Variants in GBE1 observed in about 807,000 individuals in gnomAD.
The protein encoded by GBE1 is 1,4-alpha-glucan branching enzyme 1, also known as 1,4-alpha-glucan-branching enzyme.
A neutral mutation model predicts 88.8 loss-of-function variants in GBE1; 70 were observed. That is an observed-to-expected ratio of 0.79 (90% CI 0.65 to 0.96). The LOEUF is 0.96. Ranked by LOEUF, GBE1 falls within the 40% of genes least tolerant of loss-of-function variation. The pLI is 0.00. For missense variants in GBE1, 872 were observed against 871.0 expected, an observed-to-expected ratio of 1.00 and a Z score of -0.01; for synonymous variants, 284 against 300.1, an observed-to-expected ratio of 0.95 and a Z score of 0.56.
chr3:81,757,601 T>G (rs1706620788), intron 1 of GBE1, among the ~76,000 whole-genome samples: 1 of 152,128 alleles, frequency 6.6e-6, no homozygotes, highest in African/African-American at 2.4e-5. Flanking sequence ...GACTCAAAGG[T>G]CTAGGAGGAG....
At chr3:81,751,622 C>T (rs1017112312) in intron 1 of GBE1, among the ~76,000 whole-genome samples, 2 of 152,154 alleles carry the variant, frequency 1.3e-5, no homozygotes, top group Admixed American at 6.5e-5. Context: ...AGAAAGGAGA[C>T]CATATGCTAA....
chr3:81,547,217 G>T (rs1481234619), intron 12 of GBE1, among the ~76,000 whole-genome samples: 1 of 151,402 alleles, frequency 6.6e-6, no homozygotes, highest in Non-Finnish European at 1.5e-5. Flanking sequence ...CTCAGAAAAA[G>T]GCAAGGACGC....
At chr3:81,690,687 C>T (rs138911589) in intron 2 of GBE1, among the ~76,000 whole-genome samples, 60 of 152,208 alleles carry the variant, frequency 3.9e-4, no homozygotes, top group Middle Eastern at 6.8e-3. Context: ...ATTTAAATGA[C>T]GGAAATCCTC....
chr3:81,532,599 A>G (rs551544543), intron 14 of GBE1, among the ~76,000 whole-genome samples: 1 of 152,122 alleles, frequency 6.6e-6, no homozygotes, highest in African/African-American at 2.4e-5. Context: ...TCCCTTACAC[A>G]CTGGTACATG....
chr3:81,723,399 C>G (rs1397364921), intron 1 of GBE1, among the ~76,000 whole-genome samples: 2 of 151,214 alleles, frequency 1.3e-5, no homozygotes, highest in Non-Finnish European at 2.9e-5. Flanking sequence ...CTGCGCCCAG[C>G]CAAATAAAAG....
chr3:81,671,360 C>G (rs1424261797), intron 2 of GBE1, among the ~76,000 whole-genome samples: 1 of 151,980 alleles, frequency 6.6e-6, no homozygotes, highest in East Asian at 1.9e-4. Context: ...AATCATATAA[C>G]ATTTACTGAA....
At chr3:81,588,236 A>G (rs1432124786) in intron 9 of GBE1, among the ~76,000 whole-genome samples, 1 of 152,114 alleles carries the variant, frequency 6.6e-6, no homozygotes, top group Admixed American at 6.6e-5. Flanking sequence ...AGTAGAAAAA[A>G]GATCAGTAGA....
chr3:81,672,362 C>T (rs1046741293), intron 2 of GBE1, among the ~76,000 whole-genome samples: 1 of 151,846 alleles, frequency 6.6e-6, no homozygotes, highest in Non-Finnish European at 1.5e-5. Context: ...TGGAAGCTAT[C>T]AAAATTTCAA....
chr3:81,658,181 A>C (rs566699573), intron 3 of GBE1, among the ~76,000 whole-genome samples: 2 of 152,232 alleles, frequency 1.3e-5, no homozygotes, highest in Admixed American at 1.3e-4. Flanking sequence ...GAATAGGACA[A>C]AGGGTTTCTC....
intron 9 of GBE1, among the ~76,000 whole-genome samples, chr3:81,587,295 C>G (rs1703815192): frequency 1.3e-5 from 2 of 152,104 alleles, no homozygotes; most frequent in African/African-American, 4.8e-5. Context: ...AAAATATGTG[C>G]TAAGTATTAT....
Position 81,673,389 on chromosome 3 carries a change from G to A in GBE1, c.314-2436C>T, listed in dbSNP as rs74769457. Among the ~76,000 whole-genome samples, 1,458 of 151,742 alleles carry A rather than the reference G, an allele frequency of 9.6e-3. 17 individuals are homozygous for A. The highest frequency in any genetic ancestry group is 0.033 in the African/African-American group (1,381 of 41,444). On this transcript the variant is annotated intron_variant, in intron 2 of 15. Coordinates refer to ENST00000429644, the MANE Select transcript of GBE1 (RefSeq NM_000158.4). ...AAACCAAATTTAGTGCTCTAAATTC[G>A]TCATATCTCATAAAGAAAAGGTTAA...
At chr3:81,540,077 A>G (rs1703125261) in intron 12 of GBE1, among the ~76,000 whole-genome samples, 1 of 151,988 alleles carries the variant, frequency 6.6e-6, no homozygotes, top group African/African-American at 2.4e-5. Context: ...GGACATTAGA[A>G]GAAAACATAG....
At chr3:81,707,292 G>A (rs75367336) in intron 1 of GBE1, among the ~76,000 whole-genome samples, 6,047 of 151,908 alleles carry the variant, frequency 0.04, 446 homozygotes, top group East Asian at 0.35. Context: ...ATTCTAAGAA[G>A]GAAAAGTAAT....
intron 3 of GBE1, among the ~76,000 whole-genome samples, chr3:81,663,894 A>G (rs1402153434): frequency 1.3e-5 from 2 of 152,112 alleles, no homozygotes; most frequent in African/African-American, 4.8e-5. Context: ...TCCCATTTCA[A>G]TGTCATCATT....
intron 1 of GBE1, among the ~76,000 whole-genome samples, chr3:81,725,806 C>G (rs1706103331): frequency 6.6e-6 from 1 of 152,124 alleles, no homozygotes; most frequent in Admixed American, 6.5e-5. Context: ...AAGATGTGGT[C>G]CATCATTGAC....
At chr3:81,605,898 C>G (rs546525506) in intron 7 of GBE1, among the ~76,000 whole-genome samples, 2 of 152,188 alleles carry the variant, frequency 1.3e-5, no homozygotes, top group East Asian at 3.9e-4. Flanking sequence ...CTTTGCAGAC[C>G]CCTGCAATTA....
At position 81,685,733 on chromosome 3, in the gene GBE1, G is replaced by A. The variant is rs79335466; in HGVS notation, c.314-14780C>T. Among the ~76,000 whole-genome samples, 6 of 151,998 alleles carry A rather than the reference G, an allele frequency of 3.9e-5. No homozygotes were observed. The East Asian group carries it at 1.2e-3, about 29-fold the overall frequency. The stretch of plus-strand genomic sequence containing the variant: ...TACATTTTTTTTCTAATGTTCTGAT[G>A]TTTTCAAACATGCCCTCAAGCTCTT... On this transcript the variant is annotated intron_variant, in intron 2 of 15. Coordinates refer to ENST00000429644, the MANE Select transcript of GBE1 (RefSeq NM_000158.4).
intron 14 of GBE1, among the ~76,000 whole-genome samples, chr3:81,527,408 G>T (rs1442643562): frequency 6.6e-6 from 1 of 152,088 alleles, no homozygotes; most frequent in Non-Finnish European, 1.5e-5. Flanking sequence ...CACAGCAAAA[G>T]AAACTACCAT....
At chr3:81,675,237 T>C (rs892572085) in intron 2 of GBE1, among the ~76,000 whole-genome samples, 4 of 152,030 alleles carry the variant, frequency 2.6e-5, no homozygotes, top group African/African-American at 4.8e-5. Flanking sequence ...TAAAAGGCTA[T>C]CAAATAATAT....
Sources: allele counts gnomAD v4.1 joint callset (sites outside exome capture counted in the v4.1 genomes callset), GRCh38; gene constraint gnomAD v4.1.1; transcripts MANE v1.5; gene names NCBI Gene and HGNC (gene_info 2026-07-23, HGNC 2026-07-21).